Variants in CRLS1 observed in about 807,000 individuals in gnomAD.
CRLS1 encodes cardiolipin synthase (CMP-forming).
CRLS1 carries 24 observed loss-of-function variants against 37.0 expected under a neutral mutation model. The observed-to-expected ratio is 0.65, with a 90% CI of 0.47 to 0.91. CRLS1 has a LOEUF of 0.91. CRLS1 is among the 40% of genes least tolerant of loss of function. The pLI, the probability that CRLS1 is intolerant of heterozygous loss-of-function variation, is 0.00. For missense variants in CRLS1, 373 were observed against 395.8 expected (o/e 0.94, Z 0.49); for synonymous variants, 135 against 159.7 (o/e 0.85, Z 1.17).
intron 3 of CRLS1, among the ~76,000 whole-genome samples, chr20:6,020,672 G>T (rs1310400345): frequency 2.6e-5 from 4 of 151,748 alleles, no homozygotes; most frequent in African/African-American, 9.7e-5. Context: ...GCCCAGGCTG[G>T]AGTGCAGTGG....
In CRLS1 at chr20:6,037,120, C is replaced by T; in HGVS notation, c.868C>T (p.His290Tyr). The T allele has an allele frequency of 6.2e-7, 1 of 1,613,648 alleles. No individual in the cohort carries two copies. Among genetic ancestry groups the T allele is most frequent in the South Asian group, 1.1e-5 (1 of 91,048 alleles). The change falls in exon 7 of 7, where the codon CAT becomes TAT. Residue 290 changes from histidine to tyrosine, a missense_variant. Physicochemically the swap from His to Tyr is moderately conservative, Grantham distance 83 (BLOSUM62 2). Coordinates refer to ENST00000378863, the MANE Select transcript of CRLS1 (RefSeq NM_019095.6). ...AGCTGCATCAGCTTATAGTTACTATCATTATGGCCGGAAGACTGTTCAGGT... is the reference window on the plus strand; with the variant it reads ...AGCTGCATCAGCTTATAGTTACTATTATTATGGCCGGAAGACTGTTCAGGT... ...TTAASAYSYY[H>Y]YGRKTVQVIK... is the part of the protein sequence containing the mutation.
chr20:6,021,995 A>G (rs961361044), intron 3 of CRLS1, among the ~76,000 whole-genome samples: 1 of 152,132 alleles, frequency 6.6e-6, no homozygotes, highest in African/African-American at 2.4e-5. Flanking sequence ...ACTTTTATAT[A>G]TTTCTTAAAC....
chr20:6,019,233 C>A (rs1568622054), intron 3 of CRLS1, among the ~76,000 whole-genome samples: 1 of 150,930 alleles, frequency 6.6e-6, no homozygotes, highest in African/African-American at 2.4e-5. Flanking sequence ...TAAAGTACAT[C>A]TTTTTTTTTA....
rs1380780498 is a variant in CRLS1, at chr20:6,039,280, TG to T, written c.*2123del. 7.6e-6 allele frequency: 1 copy of T among 130,740 alleles called. No homozygotes were observed. Among genetic ancestry groups the T allele is most frequent in the Non-Finnish European group, 1.8e-5 (1 of 54,312 alleles). The allele number at this position is 130,740 out of a possible 1,614,324, so 8.1% of individuals were successfully genotyped here. A position where few individuals can be genotyped will look rare whatever the true frequency, so the allele number is the denominator to read the frequency against. On this transcript the variant is annotated 3_prime_UTR_variant, in exon 7 of 7. Coordinates refer to ENST00000378863, the MANE Select transcript of CRLS1 (RefSeq NM_019095.6). ...TTTTGTTTGTGTGTGTGTGTGTGTG[TG>T]TGTGTGTGTGTGTGTGTGTGTGTAT...
intron 1 of CRLS1, chr20:6,007,431 G>T: frequency 6.2e-7 from 1 of 1,611,828 alleles, no homozygotes. Flanking sequence ...TGAGTAATCT[G>T]AGATTAGCTC....
chr20:6,009,902 T>G lies in CRLS1; in HGVS notation c.434T>G (p.Leu145Arg). Residue 145 changes from leucine (L) to arginine (R), a missense_variant, in exon 2 of 7, where the codon CTA (leucine) becomes CGA (arginine). By Grantham distance (102) the Leu-to-Arg change is moderately radical (BLOSUM62 -2). Coordinates refer to ENST00000378863, the MANE Select transcript of CRLS1 (RefSeq NM_019095.6). ...IALGVFALAG[L>R]TDLLDGFIAR... ...CTAGGAGTTTTTGCTTTAGCTGGAC[T>G]AACAGATTTGGTAAGTTGTAAATGC... is the stretch of plus-strand genomic sequence containing the variant. 1 of 1,613,800 alleles carries G rather than the reference T, an allele frequency of 6.2e-7. No individual in the cohort carries two copies. Among genetic ancestry groups the G allele is most frequent in the South Asian group, 1.1e-5 (1 of 91,008 alleles).
chr20:6,011,809 C>T (rs1978337157), intron 2 of CRLS1, among the ~76,000 whole-genome samples: 3 of 151,438 alleles, frequency 2.0e-5, no homozygotes, highest in South Asian at 2.1e-4. Flanking sequence ...TGGTCTCGAG[C>T]TCCTGACCTC....
In CRLS1 at chr20:6,038,123, A is replaced by G. The variant is rs562240456; in HGVS notation, c.*965A>G. On this transcript the variant is annotated 3_prime_UTR_variant, in exon 7 of 7. Transcript: ENST00000378863. ...GTAAGTTTTCCGATTCACAGAGTCC[A>G]TTCATGTACATCACTTACACTTAAA... The G allele has an allele frequency of 6.6e-6, 1 of 152,350 alleles. No individual in the cohort carries two copies. Among genetic ancestry groups the G allele is most frequent in the South Asian group, 2.1e-4 (1 of 4,822 alleles). 9.4% of individuals were successfully genotyped at this position (152,350 alleles called of 1,614,324 possible). A position where few individuals can be genotyped will look rare whatever the true frequency, so the allele number is the denominator to read the frequency against.
intron 3 of CRLS1, among the ~76,000 whole-genome samples, chr20:6,026,941 C>T (rs758276686): frequency 1.3e-5 from 2 of 152,146 alleles, no homozygotes; most frequent in African/African-American, 2.4e-5. Context: ...CAGATAGTAA[C>T]TATTTCCTGC....
chr20:6,018,788 C>T (rs1978975624), intron 3 of CRLS1, among the ~76,000 whole-genome samples: 1 of 152,102 alleles, frequency 6.6e-6, no homozygotes, highest in African/African-American at 2.4e-5. Context: ...TTTGTGTATT[C>T]CTATGGTCAT....
intron 3 of CRLS1, among the ~76,000 whole-genome samples, chr20:6,019,512 C>CTTTTTTTTTTTTTTTTTTCTT (rs1979047705): frequency 8.4e-6 from 1 of 118,490 alleles, no homozygotes; most frequent in Non-Finnish European, 1.7e-5. Flanking sequence ...TTTTTTGTCC[C>CTTTTTTTTTTTTTTTTTTCTT]TTTTTTTTTT....
intron 3 of CRLS1, among the ~76,000 whole-genome samples, chr20:6,016,617 A>G (rs948319868): frequency 6.6e-6 from 1 of 152,200 alleles, no homozygotes; most frequent in Non-Finnish European, 1.5e-5. Flanking sequence ...ATTTTGATGT[A>G]GTATTTTACA....
At chr20:6,032,168 G>T in intron 5 of CRLS1, 88 bp downstream of exon 5, 1 of 1,066,660 alleles carries the variant, frequency 9.4e-7, no homozygotes, top group South Asian at 1.4e-5. Flanking sequence ...AGCTGAAAAT[G>T]AGACAAATTT....
chr20:6,031,753 C>T (rs1442850404), intron 4 of CRLS1, among the ~76,000 whole-genome samples: 1 of 151,546 alleles, frequency 6.6e-6, no homozygotes, highest in Admixed American at 6.6e-5. Context: ...TTTTTTAATT[C>T]AAAAAAGAAA....
At chr20:6,021,256 G>T (rs940601483) in intron 3 of CRLS1, among the ~76,000 whole-genome samples, 2 of 151,754 alleles carry the variant, frequency 1.3e-5, no homozygotes, top group Non-Finnish European at 2.9e-5. Flanking sequence ...TAGTAGAGAC[G>T]GGGTTTCACC....
At chr20:6,014,059 T>C (rs1568618396) in intron 2 of CRLS1, among the ~76,000 whole-genome samples, 3 of 152,238 alleles carry the variant, frequency 2.0e-5, no homozygotes, top group Admixed American at 2.0e-4. Flanking sequence ...GTTCGTATGC[T>C]TAAGAAGGAA....
intron 1 of CRLS1, chr20:6,006,961 C>A: frequency 2.6e-6 from 1 of 382,172 alleles, no homozygotes; most frequent in Non-Finnish European, 3.6e-6. Context: ...TGTGCAAGTT[C>A]CGTTCACCAT....
intron 1 of CRLS1, chr20:6,006,912 G>C: frequency 1.3e-6 from 1 of 797,964 alleles, no homozygotes; most frequent in Non-Finnish European, 1.5e-6. Context: ...GCAAGTCTTT[G>C]GGAATATTTA....
At chr20:6,019,393 A>G (rs1202935687) in intron 3 of CRLS1, among the ~76,000 whole-genome samples, 1 of 151,062 alleles carries the variant, frequency 6.6e-6, no homozygotes, top group Admixed American at 6.6e-5. Flanking sequence ...TTTACTTACT[A>G]CTCCTTGTGG....
Sources: gnomAD v4.1 joint callset for allele counts (sites outside exome capture counted in the v4.1 genomes callset) on GRCh38, gnomAD v4.1.1 for gene constraint, MANE v1.5 for transcripts, NCBI Gene and HGNC (gene_info 2026-07-23, HGNC 2026-07-21) for gene names.